The following TTC23 variants were observed in gnomAD, a reference collection of about 807,000 sequenced individuals.
TTC23 encodes tetratricopeptide repeat domain 23.
Under a neutral mutation model 55.1 loss-of-function variants are expected in TTC23, and 58 were observed. The ratio of observed to expected loss-of-function variants is 1.05; its 90% confidence interval spans 0.85 to 1.31. TTC23 has a LOEUF of 1.31. Ranked by LOEUF, TTC23 falls within the 50% of genes most tolerant of loss-of-function variation. The pLI is 0.00. For missense variants in TTC23, 516 were observed against 534.4 expected, an observed-to-expected ratio of 0.97 and a Z score of 0.34; for synonymous variants, 203 against 199.9, an observed-to-expected ratio of 1.02 and a Z score of -0.13.
At chr15:99,183,137 G>A (rs928554364) in intron 9 of TTC23, among the ~76,000 whole-genome samples, 3 of 152,180 alleles carry the variant, frequency 2.0e-5, no homozygotes, top group Admixed American at 2.0e-4. Context: ...TAGTGATAAG[G>A]ACAATGAAGT....
At chr15:99,249,005 T>C (rs1197522529) in intron 1 of TTC23, among the ~76,000 whole-genome samples, 166 bp downstream of exon 1, 2 of 152,164 alleles carry the variant, frequency 1.3e-5, no homozygotes, top group African/African-American at 4.8e-5. Flanking sequence ...AATAGATATA[T>C]TATCTATTAT....
rs186786826 is a variant in TTC23 at position 99,190,140 on chromosome 15, G to A, written c.759+9779C>T. Among the ~76,000 whole-genome samples the A allele has an allele frequency of 9.6e-4, 145 of 151,732 alleles. 1 individual carries two copies. Among genetic ancestry groups the A allele is most frequent in the South Asian group, 4.4e-3 (21 of 4,804 alleles). ...GGCTGCAGTGAGCTGTGTTTGCGCC[G>A]CTACACTCCAGCCTGGGTGACAAAG... On this transcript the variant is annotated intron_variant, in intron 9 of 13. Transcript: ENST00000394132.
At chr15:99,219,866 C>A (rs2077776916) in intron 6 of TTC23, among the ~76,000 whole-genome samples, 1 of 152,174 alleles carries the variant, frequency 6.6e-6, no homozygotes, top group Admixed American at 6.5e-5. Context: ...CTAAAAAAAT[C>A]TGTCAAAATA....
chr15:99,158,651 C>T (rs2070942302), intron 11 of TTC23: 1 of 152,310 alleles, frequency 6.6e-6, no homozygotes, highest in Admixed American at 6.5e-5. Flanking sequence ...AAGACAAACC[C>T]TCACGGAGTA....
chr15:99,142,760 G>A (rs1467466512), intron 12 of TTC23, among the ~76,000 whole-genome samples: 1 of 152,208 alleles, frequency 6.6e-6, no homozygotes, highest in Non-Finnish European at 1.5e-5. Flanking sequence ...CAAATTCTCA[G>A]TGTCTACTAA....
At chr15:99,187,439 C>A (rs1389090486) in intron 9 of TTC23, among the ~76,000 whole-genome samples, 1 of 66,658 alleles carries the variant, frequency 1.5e-5, no homozygotes, top group African/African-American at 7.5e-5. Context: ...AGATGTGATG[C>A]CAAAAGCACA....
intron 6 of TTC23, among the ~76,000 whole-genome samples, chr15:99,219,303 T>C (rs1339864800): frequency 1.3e-5 from 2 of 152,202 alleles, no homozygotes; most frequent in Admixed American, 6.5e-5. Context: ...TTGAACAGCT[T>C]TGAAACCTCA....
At chr15:99,183,718 T>C (rs1253296458) in intron 9 of TTC23, among the ~76,000 whole-genome samples, 1 of 152,060 alleles carries the variant, frequency 6.6e-6, no homozygotes, top group East Asian at 1.9e-4. Flanking sequence ...AGCCTGACAA[T>C]GCAGTAGAAA....
At chr15:99,248,532 C>G (rs1395301224) in intron 1 of TTC23, among the ~76,000 whole-genome samples, 1 of 152,202 alleles carries the variant, frequency 6.6e-6, no homozygotes, top group African/African-American at 2.4e-5. Context: ...ATTGCTCAGG[C>G]CCAAATTGAG....
At chr15:99,170,665 T>A (rs920387124) in intron 10 of TTC23, among the ~76,000 whole-genome samples, 9 of 152,206 alleles carry the variant, frequency 5.9e-5, no homozygotes, top group African/African-American at 2.2e-4. Context: ...CTCTTATTTC[T>A]CCCTGGTGGA....
intron 11 of TTC23, 23 bp from the exon 12 acceptor site, chr15:99,156,320 T>C: frequency 1.2e-5 from 19 of 1,612,022 alleles, no homozygotes; most frequent in Non-Finnish European, 1.5e-5. Context: ...CAAAAAGCTA[T>C]CTGGTTAACA....
chr15:99,200,117 AT>A, intron 8 of TTC23, 21 bp from the exon 9 acceptor site: 1 of 1,537,006 alleles, frequency 6.5e-7, no homozygotes, highest in Non-Finnish European at 8.7e-7. Context: ...CAAAGGAATT[AT>A]TTTATTTAAT....
chr15:99,237,127 G>A (rs1462978285), intron 3 of TTC23, among the ~76,000 whole-genome samples: 3 of 151,864 alleles, frequency 2.0e-5, no homozygotes, highest in Admixed American at 6.6e-5. Flanking sequence ...GATTACAGGC[G>A]CCCGCCACCA....
intron 12 of TTC23, chr15:99,148,398 G>GCGTT (rs1427948056): frequency 7.6e-5 from 7 of 92,580 alleles, no homozygotes; most frequent in Non-Finnish European, 1.7e-4. Flanking sequence ...GACCTTCTTA[G>GCGTT]CGTTGGCTTT....
intron 11 of TTC23, chr15:99,161,169 T>C (rs1190766642): frequency 6.6e-6 from 1 of 151,812 alleles, no homozygotes; most frequent in Non-Finnish European, 1.5e-5. Flanking sequence ...CGATTGTATA[T>C]ATATATATGT....
chr15:99,188,816 T>C (rs1048366233), intron 9 of TTC23, among the ~76,000 whole-genome samples: 2 of 152,144 alleles, frequency 1.3e-5, no homozygotes, highest in African/African-American at 2.4e-5. Flanking sequence ...ATGTACTTTG[T>C]TGAAACAGGT....
chr15:99,226,750 T>C (rs2078463884), intron 5 of TTC23, among the ~76,000 whole-genome samples: 1 of 152,158 alleles, frequency 6.6e-6, no homozygotes, highest in Non-Finnish European at 1.5e-5. Flanking sequence ...CTGGCTCTTC[T>C]CTTCCTCAGG....
At chr15:99,178,041 G>C (rs904697696) in intron 9 of TTC23, among the ~76,000 whole-genome samples, 1 of 152,086 alleles carries the variant, frequency 6.6e-6, no homozygotes, top group Admixed American at 6.6e-5. Flanking sequence ...AATTAGCCAG[G>C]GGTGGTGGCA....
At chr15:99,204,703 A>G (rs1169255020) in intron 8 of TTC23, among the ~76,000 whole-genome samples, 1 of 123,052 alleles carries the variant, frequency 8.1e-6, no homozygotes, top group Non-Finnish European at 1.6e-5. Flanking sequence ...TGGTGTGATC[A>G]TAGCTCACTG....
Sources: gnomAD v4.1 joint callset for allele counts (sites outside exome capture counted in the v4.1 genomes callset) on GRCh38, gnomAD v4.1.1 for gene constraint, MANE v1.5 for transcripts, NCBI Gene and HGNC (gene_info 2026-07-23, HGNC 2026-07-21) for gene names.